The following CHFR variants were observed in gnomAD, a reference collection of about 807,000 sequenced individuals.
CHFR encodes E3 ubiquitin-protein ligase CHFR.
A neutral mutation model predicts 87.6 loss-of-function variants in CHFR; 57 were observed. The ratio of observed to expected loss-of-function variants is 0.65; its 90% confidence interval spans 0.53 to 0.81. CHFR has a LOEUF of 0.81. Ranked by LOEUF, CHFR falls within the 30% of genes least tolerant of loss-of-function variation. CHFR has a pLI of 0.00. For missense variants in CHFR, 797 were observed against 865.8 expected, an observed-to-expected ratio of 0.92 and a Z score of 1.00; for synonymous variants, 381 against 359.2, an observed-to-expected ratio of 1.06 and a Z score of -0.69.
rs966303288 is a variant in CHFR, at chr12:132,885,570, C to T, written c.133+1626G>A. On this transcript the variant is annotated intron_variant, in intron 2 of 17. Coordinates refer to ENST00000450056, the MANE Select transcript of CHFR (RefSeq NM_001161346.2). ...ACATTATTTATAAATTCACTAAAATCGTTCCTATTAAAAGATAAACTCAAC... is the reference window on the plus strand; with the variant it reads ...ACATTATTTATAAATTCACTAAAATTGTTCCTATTAAAAGATAAACTCAAC... Among the ~76,000 whole-genome samples, 10 of 152,190 alleles carry T rather than the reference C, an allele frequency of 6.6e-5. 1 individual carries two copies. The South Asian group carries it at 1.0e-3, about 16-fold the overall frequency.
At position 132,833,997 on chromosome 12, in the gene CHFR, G is replaced by A. The variant is rs1950630974; in HGVS notation, c.*7557C>T. ...CGCACAGATCTGGGAGAAGAGCAGT[G>A]AGGTGAGGGGGCAACAATCAGAGCC... On this transcript the variant is annotated 3_prime_UTR_variant, in exon 18 of 18. Transcript: ENST00000450056. The A allele has an allele frequency of 6.6e-6, 1 of 152,292 alleles. No homozygotes were observed. Among genetic ancestry groups the A allele is most frequent in the Non-Finnish European group, 1.5e-5 (1 of 68,166 alleles). 9.4% of individuals were successfully genotyped at this position (152,292 alleles called of 1,614,324 possible). A position where few individuals can be genotyped will look rare whatever the true frequency, so the allele number is the denominator to read the frequency against.
At chr12:132,864,540 G>C (rs546349675) in intron 6 of CHFR, among the ~76,000 whole-genome samples, 14 of 152,288 alleles carry the variant, frequency 9.2e-5, no homozygotes, top group African/African-American at 3.4e-4. Context: ...CCAGGCTGGA[G>C]TGCAGTGGCA....
chr12:132,848,853 G>A (rs187139452), intron 12 of CHFR, 129 bp from the exon 13 acceptor site: 14 of 685,820 alleles, frequency 2.0e-5, no homozygotes, highest in South Asian at 1.9e-4. Flanking sequence ...CATGGAAATC[G>A]GGGCGGGGCC....
chr12:132,847,151 G>C, intron 14 of CHFR, 21 bp from the exon 15 acceptor site: 1 of 1,612,376 alleles, frequency 6.2e-7, no homozygotes, highest in Non-Finnish European at 8.5e-7. Flanking sequence ...AAAAAAGAGA[G>C]GAATAAGAAA....
intron 14 of CHFR, chr12:132,847,715 G>T (rs1457653895): frequency 4.4e-6 from 5 of 1,133,158 alleles, no homozygotes; most frequent in Non-Finnish European, 4.4e-6. Context: ...GAAGGCAAAT[G>T]GCCAGAAGAG....
chr12:132,868,146 T>C (rs999944279), intron 6 of CHFR, among the ~76,000 whole-genome samples: 1 of 152,038 alleles, frequency 6.6e-6, no homozygotes, highest in African/African-American at 2.4e-5. Flanking sequence ...AAAACTAGTT[T>C]TAAATAACAT....
intron 2 of CHFR, among the ~76,000 whole-genome samples, chr12:132,878,104 T>C (rs1951671952): frequency 6.8e-6 from 1 of 146,096 alleles, no homozygotes; most frequent in South Asian, 2.5e-4. Flanking sequence ...GCCCGGCCCA[T>C]CCTGAACCTT....
In CHFR at chr12:132,848,074, C is replaced by T. The variant is rs760892631; in HGVS notation, c.1647+11G>A. On this transcript the variant is annotated intron_variant, in intron 14 of 17. Coordinates refer to ENST00000450056, the MANE Select transcript of CHFR (RefSeq NM_001161346.2). ...TGGCTCCCGGCTCCCCAGCCCGCAGCGAGTCGGTACCTTCAGGATGTCTGA... is the reference window on the plus strand; with the variant it reads ...TGGCTCCCGGCTCCCCAGCCCGCAGTGAGTCGGTACCTTCAGGATGTCTGA... 32 of 1,613,866 alleles carry T rather than the reference C, an allele frequency of 2.0e-5. No individual in the cohort carries two copies. Among genetic ancestry groups the T allele is most frequent in the Admixed American group, 5.0e-5 (3 of 59,986 alleles).
chr12:132,848,913 T>C (rs552558543), intron 12 of CHFR, 189 bp from the exon 13 acceptor site: 1 of 541,442 alleles, frequency 1.8e-6, no homozygotes, highest in Non-Finnish European at 3.3e-6. Context: ...TGGCGAGGAG[T>C]TGTATCCCTG....
rs371434249 is a variant in CHFR, at chr12:132,859,154, G to A, written c.825C>T (p.Asp275=). 1.4e-5 allele frequency: 23 copies of A among 1,613,956 alleles called. No individual in the cohort carries two copies. The highest frequency in any genetic ancestry group is 4.5e-5 in the East Asian group (2 of 44,880). ...PRRNAQTVHE[D]VRAAAGKPDK... ...CTGGCTTCCCAGCCGCTGCTCTGAC[G>A]TCCTCGTGGACGGTTTGGGCATTTC... is the stretch of plus-strand genomic sequence containing the variant. Residue 275 remains aspartate (D), a synonymous_variant, in exon 8 of 18, where the codon GAC becomes GAT. Transcript: ENST00000450056.
chr12:132,853,250 C>T (rs570133740), intron 11 of CHFR, among the ~76,000 whole-genome samples, 181 bp downstream of exon 11: 2 of 152,192 alleles, frequency 1.3e-5, no homozygotes, highest in Non-Finnish European at 2.9e-5. Flanking sequence ...ATTTCCCAAC[C>T]CAAAATCAGT....
intron 2 of CHFR, among the ~76,000 whole-genome samples, chr12:132,883,473 C>T (rs1174367900): frequency 6.6e-6 from 1 of 150,704 alleles, no homozygotes; most frequent in East Asian, 2.0e-4. Context: ...CGCCTCTAAT[C>T]CCAGCACTTT....
At position 132,861,955 on chromosome 12, in the gene CHFR, C is replaced by T. The variant is rs1261894749; in HGVS notation, c.584-321G>A. ...CCCACATACCCGTGGTCATATGATACACACTGTGTCATAAACTTGTTACAA... is the reference window on the plus strand; with the variant it reads ...CCCACATACCCGTGGTCATATGATATACACTGTGTCATAAACTTGTTACAA... On this transcript the variant is annotated intron_variant, in intron 6 of 17. Transcript: ENST00000450056. 2.3e-5 allele frequency: 7 copies of T among 300,540 alleles called. No homozygotes were observed. The East Asian group carries it at 4.6e-4, about 20-fold the overall frequency. The allele number at this position is 300,540 out of a possible 1,614,324, so 18.6% of individuals were successfully genotyped here.
intron 3 of CHFR, among the ~76,000 whole-genome samples, chr12:132,876,263 T>C (rs1256128213): frequency 2.0e-5 from 3 of 152,190 alleles, no homozygotes; most frequent in South Asian, 2.1e-4. Context: ...TACCAACATA[T>C]GCATTTTTAA....
Position 132,837,517 on chromosome 12 carries a change from ACAGG to A in CHFR, c.*4033_*4036del, listed in dbSNP as rs1950656691. The A allele has an allele frequency of 6.5e-6, 1 of 153,164 alleles. No homozygotes were observed. Among genetic ancestry groups the A allele is most frequent in the Admixed American group, 6.5e-5 (1 of 15,426 alleles). The allele number at this position is 153,164 out of a possible 1,614,324, so 9.5% of individuals were successfully genotyped here. ...GCACACACCCTCGGGCCTGCAGGTA[ACAGG>A]CAGGTGCGGTAAACTAACTAGAAAG... On this transcript the variant is annotated 3_prime_UTR_variant, in exon 18 of 18. Coordinates refer to ENST00000450056, the MANE Select transcript of CHFR (RefSeq NM_001161346.2).
rs1950653137 is a variant in CHFR, at chr12:132,837,032, C to G, written c.*4522G>C. On this transcript the variant is annotated 3_prime_UTR_variant, in exon 18 of 18. Coordinates refer to ENST00000450056, the MANE Select transcript of CHFR (RefSeq NM_001161346.2). ...CGGGGTGGGGGCAGCCCTGCAGGAGCTGAATGAGGAGAGGCTGCAGAGGGA... is the reference window on the plus strand; with the variant it reads ...CGGGGTGGGGGCAGCCCTGCAGGAGGTGAATGAGGAGAGGCTGCAGAGGGA... The G allele has an allele frequency of 2.9e-6, 1 of 345,946 alleles. No homozygotes were observed. Among genetic ancestry groups the G allele is most frequent in the South Asian group, 2.2e-5 (1 of 45,898 alleles). 21.4% of individuals were successfully genotyped at this position (345,946 alleles called of 1,614,324 possible).
At chr12:132,842,736 T>C (rs1043361785) in intron 17 of CHFR, among the ~76,000 whole-genome samples, 2 of 152,204 alleles carry the variant, frequency 1.3e-5, no homozygotes, top group Admixed American at 6.5e-5. Flanking sequence ...AGCCTTCGAC[T>C]TAGAAACGGC....
At chr12:132,886,127 T>C (rs1300208965) in intron 2 of CHFR, among the ~76,000 whole-genome samples, 2 of 151,946 alleles carry the variant, frequency 1.3e-5, no homozygotes, top group African/African-American at 4.8e-5. Context: ...GCCTGGGCAA[T>C]ATGGCGAAAG....
At chr12:132,870,652 T>A (rs151331438) in intron 5 of CHFR, 72 bp downstream of exon 5, 1 of 1,081,002 alleles carries the variant, frequency 9.3e-7, no homozygotes. Context: ...AGAGCGAGAC[T>A]CCATCTCAAA....
Sources: allele counts gnomAD v4.1 joint callset (sites outside exome capture counted in the v4.1 genomes callset), GRCh38; gene constraint gnomAD v4.1.1; transcripts MANE v1.5; gene names NCBI Gene and HGNC (gene_info 2026-07-23, HGNC 2026-07-21).